Variants in NUP93 observed in about 807,000 individuals in gnomAD.
NUP93 encodes the protein nucleoporin 93.
In NUP93, 55 loss-of-function variants were observed where a neutral mutation model predicts 107.8. That is an observed-to-expected ratio of 0.51 (90% CI 0.41 to 0.64). The LOEUF (loss-of-function observed/expected upper bound fraction) is 0.64, where lower values mean the gene tolerates loss of function less well. Ranked by LOEUF, NUP93 falls within the 30% of genes least tolerant of loss-of-function variation. NUP93 has a pLI of 0.00. For missense variants in NUP93, 937 were observed against 1,044.7 expected, an observed-to-expected ratio of 0.90 and a Z score of 1.42; for synonymous variants, 390 against 397.5, an observed-to-expected ratio of 0.98 and a Z score of 0.22.
intron 6 of NUP93, among the ~76,000 whole-genome samples, chr16:56,819,010 G>T (rs771197630): frequency 4.6e-5 from 7 of 152,228 alleles, no homozygotes; most frequent in Non-Finnish European, 7.3e-5. Context: ...CCCATGTACA[G>T]TAAAGCTTCA....
At chr16:56,826,613 T>C (rs1475517703) in intron 8 of NUP93, among the ~76,000 whole-genome samples, 1 of 152,008 alleles carries the variant, frequency 6.6e-6, no homozygotes, top group East Asian at 1.9e-4. Context: ...ATCCTTATTA[T>C]AGAAACTTTG....
At chr16:56,829,889 G>A (rs1452021339) in intron 9 of NUP93, among the ~76,000 whole-genome samples, 3 of 152,228 alleles carry the variant, frequency 2.0e-5, no homozygotes, top group Admixed American at 2.0e-4. Flanking sequence ...GCCAAGATAG[G>A]AGGCCTGAAG....
intron 3 of NUP93, among the ~76,000 whole-genome samples, chr16:56,765,143 T>C (rs1172019044): frequency 2.0e-5 from 3 of 152,296 alleles, no homozygotes; most frequent in African/African-American, 4.8e-5. Flanking sequence ...CTAGCCCAAA[T>C]TGGATGATTT....
intron 3 of NUP93, among the ~76,000 whole-genome samples, chr16:56,779,389 T>C (rs1327206595): frequency 6.6e-6 from 1 of 152,266 alleles, no homozygotes; most frequent in East Asian, 1.9e-4. Flanking sequence ...CGTTAGTTTT[T>C]AACCCTTTTC....
chr16:56,786,866 G>T (rs950000061), intron 3 of NUP93, among the ~76,000 whole-genome samples: 1 of 152,232 alleles, frequency 6.6e-6, no homozygotes, highest in Admixed American at 6.5e-5. Context: ...TGAGCTAGGT[G>T]AAAGGTTTTA....
intron 1 of NUP93, among the ~76,000 whole-genome samples, chr16:56,734,198 G>T (rs1271293212): frequency 2.0e-5 from 3 of 152,202 alleles, no homozygotes; most frequent in African/African-American, 7.2e-5. Flanking sequence ...TGGACGGTGG[G>T]GCTGCTTTAG....
At chr16:56,744,799 T>C (rs1411451886) in intron 1 of NUP93, among the ~76,000 whole-genome samples, 1 of 152,232 alleles carries the variant, frequency 6.6e-6, no homozygotes, top group African/African-American at 2.4e-5. Flanking sequence ...TGCCTTATGC[T>C]GTGCTGCCTC....
At chr16:56,762,138 T>C (rs1269089939) in intron 3 of NUP93, among the ~76,000 whole-genome samples, 3 of 152,208 alleles carry the variant, frequency 2.0e-5, no homozygotes, top group Non-Finnish European at 4.4e-5. Context: ...ATGCGTCCTC[T>C]CACAGAGATC....
At chr16:56,818,499 G>GAA (rs1963479091) in intron 5 of NUP93, among the ~76,000 whole-genome samples, 165 bp from the exon 6 acceptor site, 1 of 152,166 alleles carries the variant, frequency 6.6e-6, no homozygotes, top group Non-Finnish European at 1.5e-5. Context: ...AGTAAAAGTT[G>GAA]CATGTTATTG....
At chr16:56,839,315 C>T in intron 19 of NUP93, 1 of 260,640 alleles carries the variant, frequency 3.8e-6, no homozygotes, top group Non-Finnish European at 6.9e-6. Context: ...AAGTAATTTG[C>T]AATCTCAGAA....
intron 5 of NUP93, among the ~76,000 whole-genome samples, chr16:56,811,381 C>T: frequency 6.6e-6 from 1 of 152,198 alleles, no homozygotes. Flanking sequence ...GTTGATACTT[C>T]ACATGGACAG....
chr16:56,841,058 G>C (rs193270504), intron 20 of NUP93, among the ~76,000 whole-genome samples: 195 of 152,114 alleles, frequency 1.3e-3, no homozygotes, highest in South Asian at 3.1e-3. Flanking sequence ...TGCACATGAA[G>C]AGGGATGTTG....
Position 56,848,271 on chromosome 16 carries a change from C to G in NUP93, c.*3662C>G, listed in dbSNP as rs1964138107. Reference sequence around the variant, plus strand: ...CAGGCCTGACAAAGTCTTGGCAGTCCCCACACTGACTGCGAACTCTCCCTT... The same window carrying G: ...CAGGCCTGACAAAGTCTTGGCAGTCGCCACACTGACTGCGAACTCTCCCTT... On this transcript the variant is annotated 3_prime_UTR_variant, in exon 22 of 22. Coordinates refer to ENST00000308159, the MANE Select transcript of NUP93 (RefSeq NM_014669.5). 2 of 152,164 alleles carry G rather than the reference C, an allele frequency of 1.3e-5. No homozygotes were observed. The highest frequency in any genetic ancestry group is 4.1e-4 in the South Asian group (2 of 4,826). 9.4% of individuals were successfully genotyped at this position (152,164 alleles called of 1,614,324 possible).
intron 1 of NUP93, among the ~76,000 whole-genome samples, chr16:56,733,882 C>T (rs1961571898): frequency 6.6e-6 from 1 of 152,174 alleles, no homozygotes; most frequent in African/African-American, 2.4e-5. Context: ...AGCTAGATCC[C>T]CCATACACAG....
intron 1 of NUP93, among the ~76,000 whole-genome samples, chr16:56,744,910 C>G (rs1338809376): frequency 6.6e-6 from 1 of 152,132 alleles, no homozygotes; most frequent in African/African-American, 2.4e-5. Context: ...CAAAGGAGTG[C>G]AGGAAGCCTT....
intron 4 of NUP93, among the ~76,000 whole-genome samples, chr16:56,801,754 A>T (rs1298573625): frequency 6.6e-6 from 1 of 152,228 alleles, no homozygotes; most frequent in Non-Finnish European, 1.5e-5. Context: ...GTGTTTCTAA[A>T]TGAGTAGCCT....
At chr16:56,738,158 G>A (rs1162914520) in intron 1 of NUP93, among the ~76,000 whole-genome samples, 1 of 152,208 alleles carries the variant, frequency 6.6e-6, no homozygotes, top group Non-Finnish European at 1.5e-5. Flanking sequence ...AGGTGAGCAG[G>A]CCCTTAGAGA....
intron 5 of NUP93, among the ~76,000 whole-genome samples, chr16:56,810,270 G>T (rs1428805633): frequency 6.6e-6 from 1 of 152,152 alleles, no homozygotes; most frequent in Admixed American, 6.5e-5. Context: ...TACAGATTTT[G>T]TTGTTTGTTG....
chr16:56,733,728 T>C (rs1331103017), intron 1 of NUP93, among the ~76,000 whole-genome samples: 1 of 152,220 alleles, frequency 6.6e-6, no homozygotes, highest in African/African-American at 2.4e-5. Flanking sequence ...CCCTTTGTTT[T>C]GATAGATTAG....
Sources: allele counts gnomAD v4.1 joint callset (sites outside exome capture counted in the v4.1 genomes callset), GRCh38; gene constraint gnomAD v4.1.1; transcripts MANE v1.5; gene names NCBI Gene and HGNC (gene_info 2026-07-23, HGNC 2026-07-21).